The following FBXO32 variants were observed in gnomAD, a reference collection of about 807,000 sequenced individuals.
FBXO32 encodes F-box protein 32.
In FBXO32, 15 loss-of-function variants were observed where a neutral mutation model predicts 48.3. That is an observed-to-expected ratio of 0.31 (90% CI 0.21 to 0.48). The LOEUF is 0.48. FBXO32 is among the 20% of genes least tolerant of loss of function. The pLI is 0.99. For missense variants in FBXO32, 309 were observed against 432.7 expected (o/e 0.71, Z 2.54); for synonymous variants, 154 against 165.9 (o/e 0.93, Z 0.55).
At position 123,500,749 on chromosome 8, in the gene FBXO32, C is replaced by T. The variant is rs1816465134; in HGVS notation, c.*2624G>A. ...TATTCCTTTCCCCCTCCCTCTCTAC[C>T]TGCCATTTCTTTCCTTATTCTCCTC... On this transcript the variant is annotated 3_prime_UTR_variant, in exon 9 of 9. Coordinates refer to ENST00000517956, the MANE Select transcript of FBXO32 (RefSeq NM_058229.4). 1 of 152,178 alleles carries T rather than the reference C, an allele frequency of 6.6e-6. No individual in the cohort carries two copies. 9.4% of individuals were successfully genotyped at this position (152,178 alleles called of 1,614,324 possible). A position where few individuals can be genotyped will look rare whatever the true frequency, so the allele number is the denominator to read the frequency against.
chr8:123,523,925 C>T (rs777746232), intron 4 of FBXO32, among the ~76,000 whole-genome samples: 14 of 152,262 alleles, frequency 9.2e-5, no homozygotes, highest in Non-Finnish European at 1.8e-4. Context: ...ACATACCAGG[C>T]GCGGTTCTAC....
At chr8:123,535,826 G>GTTTTTTTTTTT (rs149011780) in intron 1 of FBXO32, among the ~76,000 whole-genome samples, 1 of 133,454 alleles carries the variant, frequency 7.5e-6, no homozygotes, top group Non-Finnish European at 1.6e-5. Flanking sequence ...ATAAATTAGG[G>GTTTTTTTTTTT]GTTTTTTTTT....
rs1374039350 is a variant in FBXO32, at chr8:123,503,362, T to C, written c.*11A>G. ...GGGGGACCCTTCTGAAGTGTTGTCA[T>C]GTGCTGGGATTCAGAACTTGAACAA... On this transcript the variant is annotated 3_prime_UTR_variant, in exon 9 of 9. Coordinates refer to ENST00000517956, the MANE Select transcript of FBXO32 (RefSeq NM_058229.4). 1.2e-6 allele frequency: 2 copies of C among 1,611,806 alleles called. No homozygotes were observed. The highest frequency in any genetic ancestry group is 1.7e-6 in the Non-Finnish European group (2 of 1,177,896).
At chr8:123,503,862 G>A (rs904808577) in intron 8 of FBXO32, among the ~76,000 whole-genome samples, 1 of 152,300 alleles carries the variant, frequency 6.6e-6, no homozygotes, top group Non-Finnish European at 1.5e-5. Flanking sequence ...TGGATCACTC[G>A]AAGTCAAAAG....
At chr8:123,503,560 G>A in intron 8 of FBXO32, 98 bp from the exon 9 acceptor site, 1 of 820,042 alleles carries the variant, frequency 1.2e-6, no homozygotes, top group Non-Finnish European at 2.0e-6. Context: ...ACAATTCTCT[G>A]TCAATAATGC....
chr8:123,522,226 T>C (rs975885664), intron 4 of FBXO32, among the ~76,000 whole-genome samples: 95 of 142,634 alleles, frequency 6.7e-4, no homozygotes, highest in African/African-American at 2.5e-3. Flanking sequence ...TTTTTTTTTT[T>C]TGAGATGGAG....
At chr8:123,537,549 C>T (rs1201233933) in intron 1 of FBXO32, among the ~76,000 whole-genome samples, 1 of 151,848 alleles carries the variant, frequency 6.6e-6, no homozygotes, top group African/African-American at 2.4e-5. Context: ...GCAATAAAAA[C>T]CATTTAAGAA....
At chr8:123,537,710 G>A (rs1237919675) in intron 1 of FBXO32, among the ~76,000 whole-genome samples, 2 of 152,196 alleles carry the variant, frequency 1.3e-5, no homozygotes, top group Non-Finnish European at 2.9e-5. Flanking sequence ...ACAGCCTAGT[G>A]TATAACGCTC....
At position 123,531,872 on chromosome 8, in the gene FBXO32, T is replaced by A. The variant is rs544748005; in HGVS notation, c.372+26A>T. ...GATTCAACTTGGGAAAGAGCCTGGA[T>A]GAGCCTTTAGGCACTTGAGACTTAC... is the stretch of plus-strand genomic sequence containing the variant. On this transcript the variant is annotated intron_variant, in intron 4 of 8. Coordinates refer to ENST00000517956, the MANE Select transcript of FBXO32 (RefSeq NM_058229.4). 6 of 1,611,900 alleles carry A rather than the reference T, an allele frequency of 3.7e-6. No individual in the cohort carries two copies. The East Asian group carries it at 1.1e-4, about 30-fold the overall frequency.
At position 123,513,728 on chromosome 8, in the gene FBXO32, G is replaced by A. The variant is rs912685376; in HGVS notation, c.467-346C>T. Reference sequence around the variant, plus strand: ...CCGTTTAGGACAGTCAGTGGAAGGAGCATGGTTTCAGGGGTTTGGAGCCTG... The same window carrying A: ...CCGTTTAGGACAGTCAGTGGAAGGAACATGGTTTCAGGGGTTTGGAGCCTG... On this transcript the variant is annotated intron_variant, in intron 5 of 8. Coordinates refer to ENST00000517956, the MANE Select transcript of FBXO32 (RefSeq NM_058229.4). The surrounding 1 kb of genome is among the most constrained non-coding windows in gnomAD (Gnocchi z 4.3). 6.6e-6 allele frequency among the ~76,000 whole-genome samples: 1 copy of A among 152,172 alleles called. No individual in the cohort carries two copies. Among genetic ancestry groups the A allele is most frequent in the South Asian group, 2.1e-4 (1 of 4,826 alleles).
At chr8:123,528,288 T>C (rs1248511290) in intron 4 of FBXO32, among the ~76,000 whole-genome samples, 4 of 152,152 alleles carry the variant, frequency 2.6e-5, no homozygotes, top group South Asian at 4.1e-4. Flanking sequence ...CTGGTTGACT[T>C]GATGCCCAAG....
At chr8:123,530,302 G>A (rs968874230) in intron 4 of FBXO32, among the ~76,000 whole-genome samples, 3 of 152,076 alleles carry the variant, frequency 2.0e-5, no homozygotes, top group Non-Finnish European at 2.9e-5. Context: ...GCCTCAAGGG[G>A]CCTTGAATGT....
At chr8:123,539,741 C>CA (rs775901445) in intron 1 of FBXO32, among the ~76,000 whole-genome samples, 1 of 152,190 alleles carries the variant, frequency 6.6e-6, no homozygotes, top group African/African-American at 2.4e-5. Flanking sequence ...GCCAATGCTT[C>CA]ATCCAAGCAA....
At chr8:123,514,841 A>G (rs952682441) in intron 4 of FBXO32, among the ~76,000 whole-genome samples, 25 of 152,244 alleles carry the variant, frequency 1.6e-4, no homozygotes, top group African/African-American at 6.0e-4. Flanking sequence ...GCAGTGTTCA[A>G]TAAACATGTC....
At position 123,514,250 on chromosome 8, in the gene FBXO32, C is replaced by G. The variant is rs766883722; in HGVS notation, c.456G>C (p.Val152=). 6 of 1,612,078 alleles carry G rather than the reference C, an allele frequency of 3.7e-6. No homozygotes were observed. Among genetic ancestry groups the G allele is most frequent in the African/African-American group, 1.3e-5 (1 of 74,828 alleles). ...TGAGAGAAGGCTCACCTTTCAGTAC[C>G]ACTTTTTCCAAAATATTCATGAAGT... ...QKNFMNILEK[V]VLKVLEDQQN... is the part of the protein sequence containing the mutation. Residue 152 remains valine, a synonymous_variant, in exon 5 of 9, where the codon GTG becomes GTC. Coordinates refer to ENST00000517956, the MANE Select transcript of FBXO32 (RefSeq NM_058229.4).
chr8:123,541,076 GC>G lies in FBXO32; in HGVS notation c.-63del, dbSNP rs938741344. 4 of 1,143,676 alleles carry G rather than the reference GC, an allele frequency of 3.5e-6. No individual in the cohort carries two copies. In the African/African-American group the frequency reaches 6.5e-5, roughly 19 times the overall value. The allele number at this position is 1,143,676 out of a possible 1,614,324, so 70.8% of individuals were successfully genotyped here. A position where few individuals can be genotyped will look rare whatever the true frequency, so the allele number is the denominator to read the frequency against. ...GCCGGCCTGGTGGGCTCGGGGACGT[GC>G]CACCCGGGGCGGATGCTCGGGGTGC... On this transcript the variant is annotated 5_prime_UTR_variant, in exon 1 of 9. Transcript: ENST00000517956.
chr8:123,510,469 C>T (rs904311038), intron 6 of FBXO32, among the ~76,000 whole-genome samples: 4 of 151,940 alleles, frequency 2.6e-5, no homozygotes, highest in South Asian at 4.2e-4. Context: ...AAAAATTAGC[C>T]GGGTGTGGTG....
rs981496435 is a variant in FBXO32, at chr8:123,525,814, G to A, written c.372+6084C>T. ...ACGTAGATATACAAAGATGGAATTC[G>A]TAAACCACAAAGTAACAGATTTATA... On this transcript the variant is annotated intron_variant, in intron 4 of 8. Coordinates refer to ENST00000517956, the MANE Select transcript of FBXO32 (RefSeq NM_058229.4). The surrounding 1 kb of genome is among the most constrained non-coding windows in gnomAD (Gnocchi z 4.3). Among the ~76,000 whole-genome samples, 3 of 152,162 alleles carry A rather than the reference G, an allele frequency of 2.0e-5. No individual in the cohort carries two copies. The highest frequency in any genetic ancestry group is 4.4e-5 in the Non-Finnish European group (3 of 68,034).
rs1587006957 is a variant in FBXO32 at position 123,541,114 on chromosome 8, A to G, written c.-100T>C. On this transcript the variant is annotated 5_prime_UTR_variant, in exon 1 of 9. Coordinates refer to ENST00000517956, the MANE Select transcript of FBXO32 (RefSeq NM_058229.4). Reference sequence around the variant, plus strand: ...GATGCTCGGGGTGCAGGGGCCCGCGACGGGGGCGGCGGGGCGGCGGGAACG... The same window carrying G: ...GATGCTCGGGGTGCAGGGGCCCGCGGCGGGGGCGGCGGGGCGGCGGGAACG... The G allele has an allele frequency of 1.6e-6, 1 of 639,724 alleles. No individual in the cohort carries two copies. Among genetic ancestry groups the G allele is most frequent in the East Asian group, 3.6e-5 (1 of 27,510 alleles). The allele number at this position is 639,724 out of a possible 1,614,324, so 39.6% of individuals were successfully genotyped here. A position where few individuals can be genotyped will look rare whatever the true frequency, so the allele number is the denominator to read the frequency against.
Sources: gnomAD v4.1 joint callset for allele counts (sites outside exome capture counted in the v4.1 genomes callset) on GRCh38, gnomAD v4.1.1 for gene constraint, Gnocchi (gnomAD v3.1) non-coding constraint, MANE v1.5 for transcripts, NCBI Gene and HGNC (gene_info 2026-07-23, HGNC 2026-07-21) for gene names.